The following SLC22A16 variants were observed in gnomAD, a reference collection of about 807,000 sequenced individuals.
The protein encoded by SLC22A16 is solute carrier family 22 member 16.
SLC22A16 carries 53 observed loss-of-function variants against 52.9 expected under a neutral mutation model. That is an observed-to-expected ratio of 1.00 (90% CI 0.80 to 1.26). The LOEUF is 1.26. SLC22A16 is among the 50% of genes most tolerant of loss of function. The pLI is 0.00. For missense variants in SLC22A16, 726 were observed against 704.0 expected (o/e 1.03, Z -0.35); for synonymous variants, 291 against 268.8 (o/e 1.08, Z -0.81).
chr6:110,434,017 G>A (rs1774614710), intron 6 of SLC22A16, among the ~76,000 whole-genome samples: 1 of 152,150 alleles, frequency 6.6e-6, no homozygotes, highest in Non-Finnish European at 1.5e-5. Context: ...AAGGAGGGTG[G>A]ATCACTTGAG....
At chr6:110,455,942 T>C (rs551787425) in intron 2 of SLC22A16, 2 of 152,612 alleles carry the variant, frequency 1.3e-5, no homozygotes, top group South Asian at 2.1e-4. Context: ...AGCAATCCTG[T>C]TGGCACCTTA....
intron 7 of SLC22A16, 51 bp from the exon 8 acceptor site, chr6:110,425,136 C>T: frequency 6.2e-7 from 1 of 1,604,646 alleles, no homozygotes; most frequent in South Asian, 1.1e-5. Flanking sequence ...AAGGAACGAA[C>T]CCTTCGGAGA....
At chr6:110,468,766 C>T (rs1316157760) in intron 1 of SLC22A16, among the ~76,000 whole-genome samples, 5 of 152,124 alleles carry the variant, frequency 3.3e-5, no homozygotes, top group East Asian at 1.9e-4. Flanking sequence ...GAAGACAGGC[C>T]GGTGTTGCTC....
At chr6:110,431,043 T>C (rs1774478393) in intron 7 of SLC22A16, 128 bp downstream of exon 7, 3 of 734,792 alleles carry the variant, frequency 4.1e-6, no homozygotes, top group Admixed American at 2.3e-5. Context: ...GGTAATGGGG[T>C]TGTTTCTACA....
In SLC22A16 at chr6:110,442,838, C is replaced by T. The variant is rs1014871862; in HGVS notation, c.652-63G>A. ...CATTTATAACTATTGAGGAGTCTGA[C>T]CCCATTGCAAATCACATATAGGCAA... On this transcript the variant is annotated intron_variant, in intron 3 of 7. Transcript: ENST00000368919. 9 of 1,470,196 alleles carry T rather than the reference C, an allele frequency of 6.1e-6. No homozygotes were observed. In the African/African-American group the frequency reaches 1.3e-4, roughly 21 times the overall value. The allele number at this position is 1,470,196 out of a possible 1,614,324, so 91.1% of individuals were successfully genotyped here.
At chr6:110,466,954 T>TAGAC (rs1776089746) in intron 1 of SLC22A16, among the ~76,000 whole-genome samples, 1 of 151,978 alleles carries the variant, frequency 6.6e-6, no homozygotes, top group Non-Finnish European at 1.5e-5. Context: ...GATAGATAGA[T>TAGAC]AGATAGATAG....
Position 110,446,928 on chromosome 6 carries a change from G to A in SLC22A16, c.596C>T (p.Ala199Val), listed in dbSNP as rs778848700. The A allele has an allele frequency of 2.2e-5, 36 of 1,613,706 alleles. No homozygotes were observed. The highest frequency in any genetic ancestry group is 5.3e-5 in the African/African-American group (4 of 74,878). Residue 199 changes from alanine (A) to valine (V), a missense_variant, in exon 3 of 8, where the codon GCG (alanine) becomes GTG (valine). Transcript: ENST00000368919. ...GGTGTAATAATCAACTGCAAACGCC[G>A]CTGCTATTCCAAACAAAAACATGCT... ...SSSMFLFGIAAAFAVDYYTFM... is the reference protein window; with the variant it reads ...SSSMFLFGIAVAFAVDYYTFM...
Position 110,431,297 on chromosome 6 carries a change from C to T in SLC22A16, c.1422-27G>A, listed in dbSNP as rs770244383. 7 of 1,596,652 alleles carry T rather than the reference C, an allele frequency of 4.4e-6. No homozygotes were observed. In the East Asian group the frequency reaches 6.7e-5, roughly 15 times the overall value. On this transcript the variant is annotated intron_variant, in intron 6 of 7. Coordinates refer to ENST00000368919, the MANE Select transcript of SLC22A16 (RefSeq NM_033125.4). ...TGGAAACAGAGGAGAGAGGCTGAGA[C>T]AAGTAAGGCACAAGTGACCCAGGGA...
chr6:110,465,140 C>T (rs1348944404), intron 1 of SLC22A16, among the ~76,000 whole-genome samples: 1 of 150,054 alleles, frequency 6.7e-6, no homozygotes, highest in Admixed American at 6.6e-5. Context: ...ATCAAAGTAA[C>T]ATACCTCAAA....
rs143577096 is a variant in SLC22A16 at position 110,459,040 on chromosome 6, T to C, written c.54-2023A>G. On this transcript the variant is annotated intron_variant, in intron 1 of 7. Transcript: ENST00000368919. Reference sequence around the variant, plus strand: ...GTGTGTATCCTATTTGTTCTCTTTCTCTGGAGAAGCCTGACAAATACAATA... The same window carrying C: ...GTGTGTATCCTATTTGTTCTCTTTCCCTGGAGAAGCCTGACAAATACAATA... Among the ~76,000 whole-genome samples, 74 of 152,222 alleles carry C rather than the reference T, an allele frequency of 4.9e-4. No homozygotes were observed. The East Asian group carries it at 0.013, about 28-fold the overall frequency.
rs723685 is a variant in SLC22A16 at position 110,442,672 on chromosome 6, A to G, written c.755T>C (p.Val252Ala). ...ASVHLHSFFAVGTLLVALTGY... is the reference protein window; with the variant it reads ...ASVHLHSFFAAGTLLVALTGY... ...TGTCAAAGCCACCAGCAGGGTTCCAACTGCAAAAAAGGAATGCAAATGGAC... is the reference window on the plus strand; with the variant it reads ...TGTCAAAGCCACCAGCAGGGTTCCAGCTGCAAAAAAGGAATGCAAATGGAC... Residue 252 changes from valine (V) to alanine (A), a missense_variant, in exon 4 of 8, where the codon GTT becomes GCT. By Grantham distance (64) the Val-to-Ala change is moderately conservative (BLOSUM62 0). Coordinates refer to ENST00000368919, the MANE Select transcript of SLC22A16 (RefSeq NM_033125.4). 0.091 allele frequency: 146,194 copies of G among 1,614,062 alleles called. 6,869 individuals carry two copies. The highest frequency in any genetic ancestry group is 0.11 in the Admixed American group (6,900 of 60,002).
chr6:110,467,885 C>T (rs535653526), intron 1 of SLC22A16, among the ~76,000 whole-genome samples: 79 of 152,262 alleles, frequency 5.2e-4, no homozygotes, highest in African/African-American at 1.5e-3. Context: ...TCATCTCTAC[C>T]GCCCACTGGT....
intron 1 of SLC22A16, among the ~76,000 whole-genome samples, chr6:110,473,790 G>T (rs921335470): frequency 6.6e-6 from 1 of 151,830 alleles, no homozygotes; most frequent in African/African-American, 2.4e-5. Context: ...CTCCCAAAGT[G>T]CTGGGATTAC....
chr6:110,438,480 T>C (rs1384639703), intron 5 of SLC22A16, among the ~76,000 whole-genome samples: 1 of 152,024 alleles, frequency 6.6e-6, no homozygotes, highest in African/African-American at 2.4e-5. Flanking sequence ...GTGTGAGTCA[T>C]TGCACCCAGG....
At chr6:110,434,481 A>G (rs1368185137) in intron 6 of SLC22A16, among the ~76,000 whole-genome samples, 1 of 152,186 alleles carries the variant, frequency 6.6e-6, no homozygotes, top group African/African-American at 2.4e-5. Context: ...CAGGTACTCA[A>G]CAGAGCTTCC....
At chr6:110,431,110 A>G in intron 7 of SLC22A16, 61 bp downstream of exon 7, 1 of 1,345,718 alleles carries the variant, frequency 7.4e-7, no homozygotes, top group Non-Finnish European at 1.1e-6. Context: ...AGAAGTTGCT[A>G]ATAGGCAATT....
intron 4 of SLC22A16, 71 bp from the exon 5 acceptor site, chr6:110,438,918 C>T: frequency 6.3e-7 from 1 of 1,584,062 alleles, no homozygotes; most frequent in Non-Finnish European, 8.6e-7. Context: ...GTCTTCTAAC[C>T]CACTACCCAA....
intron 6 of SLC22A16, among the ~76,000 whole-genome samples, chr6:110,435,109 G>A (rs1179720565): frequency 6.6e-6 from 1 of 152,198 alleles, no homozygotes; most frequent in Admixed American, 6.5e-5. Flanking sequence ...AGAACCTCCA[G>A]ATAAGGTAAT....
chr6:110,458,084 T>A lies in SLC22A16; in HGVS notation c.54-1067A>T, dbSNP rs548209025. ...CCTGGCTCTGCCTTCTAGATAGCAG[T>A]AGCAGAATTAGTGAAAATATTAAAA... On this transcript the variant is annotated intron_variant, in intron 1 of 7. Coordinates refer to ENST00000368919, the MANE Select transcript of SLC22A16 (RefSeq NM_033125.4). Among the ~76,000 whole-genome samples the A allele has an allele frequency of 1.4e-4, 22 of 152,200 alleles. No homozygotes were observed. In the Middle Eastern group the frequency reaches 0.024, roughly 165 times the overall value.
Sources: allele counts gnomAD v4.1 joint callset (sites outside exome capture counted in the v4.1 genomes callset), GRCh38; gene constraint gnomAD v4.1.1; transcripts MANE v1.5; gene names NCBI Gene and HGNC (gene_info 2026-07-23, HGNC 2026-07-21).